The following PSG6 variants were observed in gnomAD, a reference collection of about 807,000 sequenced individuals.
The protein encoded by PSG6 is pregnancy-specific beta-1-glycoprotein 6.
In PSG6, 51 loss-of-function variants were observed where a neutral mutation model predicts 43.3. The observed-to-expected ratio is 1.18, with a 90% CI of 0.94 to 1.49. The LOEUF is 1.49. PSG6 is among the 40% of genes most tolerant of loss of function. The probability of loss-of-function intolerance (pLI) is 0.00; values close to 1 mark genes in which losing one functional copy is unlikely to be tolerated. For missense variants in PSG6, 770 were observed against 522.2 expected, an observed-to-expected ratio of 1.47 and a Z score of -4.62; for synonymous variants, 292 against 197.6, an observed-to-expected ratio of 1.48 and a Z score of -4.01.
At chr19:42,912,120 T>C (rs1379860147) in intron 2 of PSG6, among the ~76,000 whole-genome samples, 1 of 151,686 alleles carries the variant, frequency 6.6e-6, no homozygotes, top group Non-Finnish European at 1.5e-5. Context: ...CTGAAAAATT[T>C]AAAATCCACA....
chr19:42,906,618 C>G, intron 5 of PSG6: 1 of 1,364,630 alleles, frequency 7.3e-7, no homozygotes, highest in South Asian at 1.7e-5. Flanking sequence ...CGAGAAGCAA[C>G]TTGATCTTGA....
At chr19:42,911,449 GT>G (rs1600546072) in intron 2 of PSG6, among the ~76,000 whole-genome samples, 3 of 150,580 alleles carry the variant, frequency 2.0e-5, no homozygotes, top group Non-Finnish European at 4.4e-5. Flanking sequence ...AGGTGGGGCA[GT>G]TTTCCAGGTG....
At chr19:42,904,299 G>C (rs1366864086) in intron 5 of PSG6, among the ~76,000 whole-genome samples, 4 of 151,568 alleles carry the variant, frequency 2.6e-5, no homozygotes, top group Non-Finnish European at 1.5e-5. Flanking sequence ...GGTCTAATCA[G>C]AAAAATTAGG....
rs757933517 is a variant in PSG6, at chr19:42,907,987, C to G, written c.707-133G>C. 3.0e-6 allele frequency: 4 copies of G among 1,349,364 alleles called. No individual in the cohort carries two copies. In the South Asian group the frequency reaches 4.1e-5, roughly 14 times the overall value. The allele number at this position is 1,349,364 out of a possible 1,614,324, so 83.6% of individuals were successfully genotyped here. A position where few individuals can be genotyped will look rare whatever the true frequency, so the allele number is the denominator to read the frequency against. ...AAGCCAGTAGCTGGTGCATGTGTCA[C>G]AAGACAGATGTATGATGATCTAAGG... On this transcript the variant is annotated intron_variant, in intron 3 of 5. Transcript: ENST00000187910.
chr19:42,914,976 C>A (rs758142829), intron 2 of PSG6, among the ~76,000 whole-genome samples: 6 of 151,610 alleles, frequency 4.0e-5, no homozygotes, highest in Non-Finnish European at 7.4e-5. Context: ...TGATTTAGTT[C>A]TGGAGTACAG....
Position 42,907,092 on chromosome 19 carries a change from G to C in PSG6, c.1070C>G (p.Ser357Cys). The change falls in exon 5 of 6, where the codon TCT becomes TGT. Residue 357 changes from serine to cysteine, a missense_variant. Coordinates refer to ENST00000187910, the MANE Select transcript of PSG6 (RefSeq NM_001031850.4). ...ENLDLSCFAD[S>C]NPPAEYSWTI... Reference sequence around the variant, plus strand: ...CCAAGAATACTCTGCCGGTGGGTTAGAGTCCGCAAAGCAGGACAAGTCGAG... The same window carrying C: ...CCAAGAATACTCTGCCGGTGGGTTACAGTCCGCAAAGCAGGACAAGTCGAG... 1 of 1,612,726 alleles carries C rather than the reference G, an allele frequency of 6.2e-7. No homozygotes were observed. The highest frequency in any genetic ancestry group is 1.3e-5 in the African/African-American group (1 of 74,886).
At chr19:42,903,873 G>A (rs1196583146) in intron 5 of PSG6, among the ~76,000 whole-genome samples, 1 of 151,402 alleles carries the variant, frequency 6.6e-6, no homozygotes, top group Admixed American at 6.6e-5. Context: ...ATCCTAGGGT[G>A]GCCTACAGAG....
chr19:42,915,773 T>C, intron 2 of PSG6: 1 of 419,682 alleles, frequency 2.4e-6, no homozygotes, highest in Middle Eastern at 6.2e-4. Flanking sequence ...TGAGGGTATC[T>C]CAGTGGGCCC....
In PSG6 at chr19:42,906,950, G is replaced by A; in HGVS notation, c.1212C>T (p.Ile404=). 6.2e-7 allele frequency: 1 copy of A among 1,612,432 alleles called. No individual in the cohort carries two copies. The highest frequency in any genetic ancestry group is 8.5e-7 in the Non-Finnish European group (1 of 1,179,112). Residue 404 remains isoleucine (I), a synonymous_variant, in exon 5 of 6, where the codon ATC becomes ATT. Coordinates refer to ENST00000187910, the MANE Select transcript of PSG6 (RefSeq NM_001031850.4). Reference sequence around the variant, plus strand: ...AGACTTTGACTATCATGGATTTGGAGATTTCCTTGCCAGTGGCTGAGTTAC... The same window carrying A: ...AGACTTTGACTATCATGGATTTGGAAATTTCCTTGCCAGTGGCTGAGTTAC... ...SVRNSATGKE[I]SKSMIVKVSG...
At chr19:42,908,126 C>T (rs1251542632) in intron 3 of PSG6, among the ~76,000 whole-genome samples, 1 of 151,600 alleles carries the variant, frequency 6.6e-6, no homozygotes, top group Non-Finnish European at 1.5e-5. Flanking sequence ...AGTCACAGCC[C>T]CTGGTACCCC....
chr19:42,907,554 C>G lies in PSG6; in HGVS notation c.985+22G>C, dbSNP rs761055261. On this transcript the variant is annotated intron_variant, in intron 4 of 5. Coordinates refer to ENST00000187910, the MANE Select transcript of PSG6 (RefSeq NM_001031850.4). Reference sequence around the variant, plus strand: ...GGAGTTAAGCTGGTGTCCTGGCCCACAGAGGAACAAAGGATACTCACAGAG... The same window carrying G: ...GGAGTTAAGCTGGTGTCCTGGCCCAGAGAGGAACAAAGGATACTCACAGAG... 3.7e-6 allele frequency: 6 copies of G among 1,610,888 alleles called. No individual in the cohort carries two copies. The South Asian group carries it at 5.5e-5, about 15-fold the overall frequency.
intron 2 of PSG6, among the ~76,000 whole-genome samples, chr19:42,913,794 C>T (rs1027483521): frequency 7.2e-5 from 11 of 151,730 alleles, no homozygotes; most frequent in African/African-American, 2.7e-4. Flanking sequence ...GTCATGTGGC[C>T]CCTACCTAGA....
Position 42,912,259 on chromosome 19 carries a change from G to C in PSG6, c.428-1401C>G, listed in dbSNP as rs566437301. 9.9e-5 allele frequency among the ~76,000 whole-genome samples: 15 copies of C among 151,700 alleles called. 2 individuals carry two copies. The South Asian group carries it at 2.9e-3, about 30-fold the overall frequency. ...TAATACTGTAATTTTCCCATAAAAA[G>C]TTGTCAGGAGTTTAGACCTCATGTT... On this transcript the variant is annotated intron_variant, in intron 2 of 5. Transcript: ENST00000187910.
intron 5 of PSG6, among the ~76,000 whole-genome samples, chr19:42,905,981 C>T (rs1972104772): frequency 6.6e-6 from 1 of 151,490 alleles, no homozygotes; most frequent in Non-Finnish European, 1.5e-5. Context: ...GGAAAAAGTT[C>T]TGGAAATGGA....
At chr19:42,915,288 C>T (rs1038232481) in intron 2 of PSG6, 3 of 151,802 alleles carry the variant, frequency 2.0e-5, no homozygotes, top group Admixed American at 2.0e-4. Flanking sequence ...TTAAAGTATT[C>T]ACAGTCAACT....
chr19:42,903,955 A>C (rs1177347845), intron 5 of PSG6, among the ~76,000 whole-genome samples: 1 of 151,654 alleles, frequency 6.6e-6, no homozygotes, highest in Non-Finnish European at 1.5e-5. Flanking sequence ...AATTCTAATA[A>C]AATAATGATT....
rs981419350 is a variant in PSG6, at chr19:42,907,772, A to C, written c.789T>G (p.Pro263=). ...AAATGTAGGTGTAGTTCCGACTCTTAGGTTCACAGGTGAAGGCTAACACAT... is the reference window on the plus strand; with the variant it reads ...AAATGTAGGTGTAGTTCCGACTCTTCGGTTCACAGGTGAAGGCTAACACAT... The part of the protein sequence containing the change: ...KKDVLAFTCE[P]KSRNYTYIWW... Residue 263 remains proline (P), a synonymous_variant, in exon 4 of 6, where the codon CCT becomes CCG. Coordinates refer to ENST00000187910, the MANE Select transcript of PSG6 (RefSeq NM_001031850.4). The C allele has an allele frequency of 1.9e-6, 3 of 1,610,864 alleles. No individual in the cohort carries two copies. In the Admixed American group the frequency reaches 5.0e-5, roughly 27 times the overall value.
rs145616384 is a variant in PSG6 at position 42,903,935 on chromosome 19, G to A, written c.1241-1489C>T. Among the ~76,000 whole-genome samples the A allele has an allele frequency of 4.2e-4, 63 of 151,204 alleles. 1 individual carries two copies. Among genetic ancestry groups the A allele is most frequent in the African/African-American group, 1.5e-3 (60 of 41,150 alleles). On this transcript the variant is annotated intron_variant, in intron 5 of 5. Coordinates refer to ENST00000187910, the MANE Select transcript of PSG6 (RefSeq NM_001031850.4). ...GAAAAAGAAAAAAGAAAAATGAAGC[G>A]ATTACTACCAATTCTAATAAAATAA... is the stretch of plus-strand genomic sequence containing the variant.
intron 1 of PSG6, 62 bp downstream of exon 1, chr19:42,917,667 G>C (rs1318534534): frequency 3.8e-6 from 6 of 1,595,334 alleles, no homozygotes; most frequent in Non-Finnish European, 5.1e-6. Flanking sequence ...TCCTCTCCAG[G>C]ATACCCCATC....
Sources: gnomAD v4.1 joint callset for allele counts (sites outside exome capture counted in the v4.1 genomes callset) on GRCh38, gnomAD v4.1.1 for gene constraint, MANE v1.5 for transcripts, NCBI Gene and HGNC (gene_info 2026-07-23, HGNC 2026-07-21) for gene names.